Variants in WDPCP observed in about 807,000 individuals in gnomAD.
WDPCP encodes the protein WD repeat-containing and planar cell polarity effector protein fritz homolog.
WDPCP carries 71 observed loss-of-function variants against 93.1 expected under a neutral mutation model. That is an observed-to-expected ratio of 0.76 (90% CI 0.63 to 0.93). The LOEUF (loss-of-function observed/expected upper bound fraction) is 0.93. Ranked by LOEUF, WDPCP falls within the 40% of genes least tolerant of loss-of-function variation. The pLI is 0.00. For missense variants in WDPCP, 844 were observed against 887.4 expected, an observed-to-expected ratio of 0.95 and a Z score of 0.62; for synonymous variants, 315 against 315.0, an observed-to-expected ratio of 1.00 and a Z score of 0.00.
At chr2:63,601,826 G>A (rs1026661270) in intron 3 of WDPCP, among the ~76,000 whole-genome samples, 1 of 152,158 alleles carries the variant, frequency 6.6e-6, no homozygotes, top group East Asian at 1.9e-4. Context: ...TAACTTCCTG[G>A]TAATATATAT....
At chr2:63,483,945 A>T (rs1352644251) in intron 6 of WDPCP, among the ~76,000 whole-genome samples, 2 of 151,992 alleles carry the variant, frequency 1.3e-5, no homozygotes, top group African/African-American at 2.4e-5. Context: ...TCACTTGTCT[A>T]GGCCTTAACA....
At chr2:63,379,044 A>G (rs1692085993) in intron 11 of WDPCP, among the ~76,000 whole-genome samples, 1 of 152,172 alleles carries the variant, frequency 6.6e-6, no homozygotes. Flanking sequence ...CCTAAACAGC[A>G]AAAGTCTTGG....
intron 15 of WDPCP, among the ~76,000 whole-genome samples, chr2:63,156,223 G>A (rs1252019366): frequency 1.3e-5 from 2 of 151,580 alleles, no homozygotes; most frequent in African/African-American, 2.4e-5. Context: ...GGCTGGTCTC[G>A]AACTCCTGAC....
chr2:63,240,925 T>G (rs1023599679), intron 14 of WDPCP, among the ~76,000 whole-genome samples: 10 of 152,204 alleles, frequency 6.6e-5, no homozygotes, highest in Non-Finnish European at 1.2e-4. Flanking sequence ...CAACTTGTTT[T>G]GGAATATAGT....
intron 1 of WDPCP, among the ~76,000 whole-genome samples, chr2:63,567,263 T>C (rs1236437021): frequency 6.6e-6 from 1 of 152,062 alleles, no homozygotes; most frequent in Non-Finnish European, 1.5e-5. Flanking sequence ...ACCCTATCCT[T>C]CCCTTGGTCT....
At chr2:63,755,603 A>G (rs924219415) in intron 2 of WDPCP, among the ~76,000 whole-genome samples, 2 of 152,056 alleles carry the variant, frequency 1.3e-5, no homozygotes, top group Non-Finnish European at 2.9e-5. Flanking sequence ...TAATGCTTAA[A>G]TTTTTTTTCT....
intron 12 of WDPCP, among the ~76,000 whole-genome samples, chr2:63,341,924 T>G (rs1421470475): frequency 2.0e-5 from 3 of 152,206 alleles, no homozygotes; most frequent in Non-Finnish European, 4.4e-5. Context: ...ATTTGTGTCT[T>G]TGGATATAAA....
At chr2:63,459,547 G>A (rs1055291308) in intron 6 of WDPCP, among the ~76,000 whole-genome samples, 5 of 152,152 alleles carry the variant, frequency 3.3e-5, no homozygotes, top group Non-Finnish European at 7.4e-5. Context: ...AGAAAGAAAA[G>A]GGAACTCTTA....
chr2:63,774,477 A>G (rs1179141186), intron 2 of WDPCP, among the ~76,000 whole-genome samples: 38 of 151,936 alleles, frequency 2.5e-4, no homozygotes, highest in Non-Finnish European at 5.1e-4. Flanking sequence ...TTGACCCACC[A>G]CCTATGTGTG....
intron 13 of WDPCP, among the ~76,000 whole-genome samples, chr2:63,304,032 T>C (rs1197007895): frequency 6.7e-6 from 1 of 150,108 alleles, no homozygotes; most frequent in Admixed American, 6.6e-5. Context: ...TTGTACACTG[T>C]TGGTGGGAAT....
At chr2:63,592,471 C>G (rs1349993904), upstream of WDPCP, among the ~76,000 whole-genome samples, 1 of 152,182 alleles carries the variant, frequency 6.6e-6, no homozygotes, top group Admixed American at 6.5e-5. Flanking sequence ...CTACCTCAGC[C>G]TCCTGAGTGG....
Position 63,212,534 on chromosome 2 carries a change from C to T in WDPCP, c.1916-37702G>A, listed in dbSNP as rs549667871. On this transcript the variant is annotated intron_variant, in intron 14 of 17. Coordinates refer to ENST00000272321, the MANE Select transcript of WDPCP (RefSeq NM_015910.7). ...AAACATGCCAAATTGTAAAGACCAT[C>T]GATGCTAGGAAGAAACTGCATCAAC... 2.3e-4 allele frequency among the ~76,000 whole-genome samples: 35 copies of T among 152,228 alleles called. No homozygotes were observed. The South Asian group carries it at 7.0e-3, about 31-fold the overall frequency.
chr2:63,170,993 A>AAAT (rs1313069168), intron 15 of WDPCP, among the ~76,000 whole-genome samples: 1 of 152,110 alleles, frequency 6.6e-6, no homozygotes, highest in Non-Finnish European at 1.5e-5. Flanking sequence ...TTCCTCAAAA[A>AAAT]AATACTGGGG....
intron 2 of WDPCP, among the ~76,000 whole-genome samples, chr2:63,708,649 G>A (rs1438441436): frequency 3.3e-5 from 5 of 152,050 alleles, no homozygotes; most frequent in South Asian, 2.1e-4. Context: ...CCCACTGTCC[G>A]GCACTCCCCA....
At chr2:63,227,608 G>A (rs1485506502) in intron 14 of WDPCP, among the ~76,000 whole-genome samples, 1 of 151,986 alleles carries the variant, frequency 6.6e-6, no homozygotes, top group Non-Finnish European at 1.5e-5. Context: ...GTGATTTAGA[G>A]TATGAGATTT....
chr2:63,164,905 G>T (rs1453312727), intron 15 of WDPCP, among the ~76,000 whole-genome samples: 10 of 152,004 alleles, frequency 6.6e-5, no homozygotes, highest in African/African-American at 2.2e-4. Flanking sequence ...ATCCTCCAAA[G>T]AAATTACAAG....
chr2:63,827,589 G>C (rs1050781006), intron 1 of WDPCP: 2 of 152,050 alleles, frequency 1.3e-5, no homozygotes, highest in Admixed American at 1.3e-4. Flanking sequence ...AACTTAAAAT[G>C]GCCTAAACGA....
chr2:63,797,439 G>C (rs1670632857), intron 2 of WDPCP, among the ~76,000 whole-genome samples: 1 of 151,936 alleles, frequency 6.6e-6, no homozygotes. Flanking sequence ...ACATACCCCA[G>C]GCCAGAGGGG....
intron 10 of WDPCP, among the ~76,000 whole-genome samples, chr2:63,402,834 T>G (rs1694257058): frequency 1.3e-5 from 2 of 151,822 alleles, no homozygotes; most frequent in South Asian, 2.1e-4. Context: ...GAGGGGGGAG[T>G]GTAAATTAGT....
Sources: gnomAD v4.1 joint callset for allele counts (sites outside exome capture counted in the v4.1 genomes callset) on GRCh38, gnomAD v4.1.1 for gene constraint, MANE v1.5 for transcripts, NCBI Gene and HGNC (gene_info 2026-07-23, HGNC 2026-07-21) for gene names.